SLAIN2: variants seen among roughly 807,000 people sequenced by gnomAD.
SLAIN2 encodes SLAIN family member 2, also known as SLAIN motif-containing protein 2.
A neutral mutation model predicts 56.6 loss-of-function variants in SLAIN2; 31 were observed. That is an observed-to-expected ratio of 0.55 (90% CI 0.41 to 0.74). The LOEUF is 0.74. Among genes scored for constraint, SLAIN2 ranks in the 30% least tolerant of loss-of-function variants. SLAIN2 has a pLI of 0.00. For synonymous variants in SLAIN2, 317 were observed against 284.9 expected (o/e 1.11, Z -1.13); for missense variants, 777 against 754.2 (o/e 1.03, Z -0.35).
intron 6 of SLAIN2, among the ~76,000 whole-genome samples, chr4:48,419,568 TTTTG>T (rs1458065197): frequency 6.6e-6 from 1 of 151,732 alleles, no homozygotes; most frequent in African/African-American, 2.4e-5. Context: ...CCAGCTGCCT[TTTTG>T]TTTGTTTTTT....
rs748099130 is a variant in SLAIN2 at position 48,412,365 on chromosome 4, T to TACACACAC, written c.1361-7716_1361-7709dup. ...TTCCTGTAATGTATGTTTGTATATG[T>TACACACAC]ACACACACACACACACACACACACA... On this transcript the variant is annotated intron_variant, in intron 6 of 7. Transcript: ENST00000264313. 5.2e-3 allele frequency among the ~76,000 whole-genome samples: 589 copies of TACACACAC among 112,918 alleles called. 6 individuals carry two copies. The highest frequency in any genetic ancestry group is 9.5e-3 in the Middle Eastern group (2 of 210). 74.1% of individuals were successfully genotyped at this position (112,918 alleles called of 152,430 possible).
At chr4:48,342,593 C>T (rs181079978) in intron 1 of SLAIN2, among the ~76,000 whole-genome samples, 93 of 150,664 alleles carry the variant, frequency 6.2e-4, no homozygotes, top group African/African-American at 2.1e-3. Flanking sequence ...GTCTATGCAG[C>T]GGTTGGTGTT....
chr4:48,372,848 A>G lies in SLAIN2; in HGVS notation c.538+2851A>G, dbSNP rs542884011. 1.2e-4 allele frequency among the ~76,000 whole-genome samples: 18 copies of G among 152,286 alleles called. 1 individual carries two copies. In the South Asian group the frequency reaches 3.7e-3, roughly 32 times the overall value. ...AAAAATTTTGGCTTTTACAAGTTTG[A>G]ACTTTGTAGTTGTAAATCCCCCATT... On this transcript the variant is annotated intron_variant, in intron 2 of 7. Transcript: ENST00000264313.
chr4:48,352,744 C>A (rs556057959), intron 1 of SLAIN2, among the ~76,000 whole-genome samples: 30 of 152,288 alleles, frequency 2.0e-4, no homozygotes, highest in Admixed American at 4.6e-4. Context: ...TAATAAGTTT[C>A]GTATTCTAGT....
rs1268590480 is a variant in SLAIN2 at position 48,341,942 on chromosome 4, C to T, written c.203C>T (p.Pro68Leu). ...SSGAASPRGFPLGLSAKSGGG... is the reference protein window; with the variant it reads ...SSGAASPRGFLLGLSAKSGGG... ...GGCGCGGCGTCTCCTCGGGGCTTCC[C>T]CTTGGGCCTCAGCGCCAAGTCGGGC... Residue 68 changes from proline (P) to leucine (L), a missense_variant, in exon 1 of 8, where the codon CCC becomes CTC. Physicochemically the swap from Pro to Leu is moderately conservative, Grantham distance 98. Transcript: ENST00000264313. The T allele has an allele frequency of 1.4e-6, 2 of 1,478,350 alleles. No individual in the cohort carries two copies. Among genetic ancestry groups the T allele is most frequent in the South Asian group, 1.3e-5 (1 of 75,414 alleles). The allele number at this position is 1,478,350 out of a possible 1,614,324, so 91.6% of individuals were successfully genotyped here. A position where few individuals can be genotyped will look rare whatever the true frequency, so the allele number is the denominator to read the frequency against.
chr4:48,341,830 C>T lies in SLAIN2; in HGVS notation c.91C>T (p.Leu31=), dbSNP rs759005316. 2.1e-4 allele frequency: 322 copies of T among 1,530,492 alleles called. No homozygotes were observed. Among genetic ancestry groups the T allele is most frequent in the Non-Finnish European group, 2.8e-4 (314 of 1,139,018 alleles). 94.8% of individuals were successfully genotyped at this position (1,530,492 alleles called of 1,614,324 possible). The change falls in exon 1 of 8, where the codon CTG becomes TTG. Residue 31 remains leucine, a synonymous_variant. Coordinates refer to ENST00000264313, the MANE Select transcript of SLAIN2 (RefSeq NM_020846.2). ...VKKLEKQNEQ[L]RSRSGAVQGA... ...GAAGCTGGAGAAGCAGAACGAACAG[C>T]TGAGGAGCCGCTCGGGGGCCGTGCA...
At chr4:48,380,129 C>T (rs1320564950) in intron 4 of SLAIN2, among the ~76,000 whole-genome samples, 3 of 152,100 alleles carry the variant, frequency 2.0e-5, no homozygotes, top group African/African-American at 7.2e-5. Flanking sequence ...TGTTACTCTG[C>T]ACTAGCACTT....
At chr4:48,406,025 C>T (rs1305060424) in intron 6 of SLAIN2, among the ~76,000 whole-genome samples, 3 of 152,150 alleles carry the variant, frequency 2.0e-5, no homozygotes, top group Non-Finnish European at 2.9e-5. Context: ...TGCTGGAAGC[C>T]TCTACAAGTT....
Position 48,422,122 on chromosome 4 carries a change from C to A in SLAIN2, c.*45C>A. On this transcript the variant is annotated 3_prime_UTR_variant, in exon 8 of 8. Transcript: ENST00000264313. ...AGAAGTCCACGGCTTCATGGATACC[C>A]TTCACCAGGCTAAAAAACAACTTTT... 1 of 1,520,636 alleles carries A rather than the reference C, an allele frequency of 6.6e-7. No individual in the cohort carries two copies. The highest frequency in any genetic ancestry group is 1.2e-5 in the South Asian group (1 of 85,350). The allele number at this position is 1,520,636 out of a possible 1,614,324, so 94.2% of individuals were successfully genotyped here. A position where few individuals can be genotyped will look rare whatever the true frequency, so the allele number is the denominator to read the frequency against.
Position 48,342,076 on chromosome 4 carries a change from C to A in SLAIN2, c.337C>A (p.Arg113=). 1 of 1,369,064 alleles carries A rather than the reference C, an allele frequency of 7.3e-7. No homozygotes were observed. Among genetic ancestry groups the A allele is most frequent in the Non-Finnish European group, 9.4e-7 (1 of 1,068,312 alleles). The allele number at this position is 1,369,064 out of a possible 1,614,324, so 84.8% of individuals were successfully genotyped here. The part of the protein sequence containing the change: ...GGLLDEVEPL[R]PDELERLSGW... ...CTTGCTGGACGAGGTGGAGCCGCTG[C>A]GGCCCGACGAGCTGGAGCGCCTGTC... The change falls in exon 1 of 8, where the codon CGG becomes AGG. Residue 113 remains arginine (R), a synonymous_variant. Coordinates refer to ENST00000264313, the MANE Select transcript of SLAIN2 (RefSeq NM_020846.2).
At chr4:48,344,222 T>A (rs1042046794) in intron 1 of SLAIN2, among the ~76,000 whole-genome samples, 1 of 152,238 alleles carries the variant, frequency 6.6e-6, no homozygotes, top group East Asian at 1.9e-4. Flanking sequence ...GAGATTTGTG[T>A]GAACTGAAAG....
chr4:48,374,642 G>C (rs1237350251), intron 2 of SLAIN2, among the ~76,000 whole-genome samples: 2 of 152,142 alleles, frequency 1.3e-5, no homozygotes, highest in Admixed American at 6.6e-5. Flanking sequence ...ATTTTATTTT[G>C]GAAAGGTTAT....
chr4:48,394,521 G>A (rs191141260), intron 6 of SLAIN2: 14 of 1,341,604 alleles, frequency 1.0e-5, no homozygotes, highest in Middle Eastern at 1.8e-4. Context: ...TACAGACGCT[G>A]TAGCCTTTGT....
At position 48,385,811 on chromosome 4, in the gene SLAIN2, T is replaced by C. The variant is rs150029907; in HGVS notation, c.1360+2027T>C. Among the ~76,000 whole-genome samples the C allele has an allele frequency of 4.0e-3, 604 of 152,084 alleles. 3 individuals carry two copies. Among genetic ancestry groups the C allele is most frequent in the African/African-American group, 0.013 (541 of 41,500 alleles). ...AATTTAATTTCTTCACACTTTTCCT[T>C]GGCCCTGTTGTGTTTAGCTGACTTC... On this transcript the variant is annotated intron_variant, in intron 6 of 7. Coordinates refer to ENST00000264313, the MANE Select transcript of SLAIN2 (RefSeq NM_020846.2).
intron 1 of SLAIN2, among the ~76,000 whole-genome samples, chr4:48,349,047 T>C (rs75004632): frequency 0.031 from 4,779 of 152,352 alleles, 83 homozygotes; most frequent in Admixed American, 0.046. Flanking sequence ...CTTCCTCCTC[T>C]TACCAAAATT....
intron 1 of SLAIN2, among the ~76,000 whole-genome samples, chr4:48,363,935 ACCTC>A (rs1318865155): frequency 0.19 from 18,080 of 97,684 alleles, 1,773 homozygotes; most frequent in Non-Finnish European, 0.25. Flanking sequence ...TGACCCCCCC[ACCTC>A]CCTCCCGGAC....
intron 2 of SLAIN2, among the ~76,000 whole-genome samples, chr4:48,373,466 C>T (rs1322084673): frequency 6.6e-6 from 1 of 152,088 alleles, no homozygotes; most frequent in Non-Finnish European, 1.5e-5. Flanking sequence ...GAATCACATT[C>T]ATTCATGCAT....
chr4:48,385,684 A>G (rs538911973), intron 6 of SLAIN2, among the ~76,000 whole-genome samples: 16 of 148,196 alleles, frequency 1.1e-4, no homozygotes, highest in Admixed American at 1.4e-4. Context: ...ACCAGGCTGG[A>G]GTGCAGTGGC....
At chr4:48,418,830 C>T (rs934458616) in intron 6 of SLAIN2, among the ~76,000 whole-genome samples, 10 of 150,400 alleles carry the variant, frequency 6.6e-5, no homozygotes, top group Non-Finnish European at 5.9e-5. Flanking sequence ...CCTCAAATTT[C>T]TTTATAACAC....
Sources: gnomAD v4.1 joint callset for allele counts (sites outside exome capture counted in the v4.1 genomes callset) on GRCh38, gnomAD v4.1.1 for gene constraint, MANE v1.5 for transcripts, NCBI Gene and HGNC (gene_info 2026-07-23, HGNC 2026-07-21) for gene names.